MOB1B: variants seen among roughly 807,000 people sequenced by gnomAD.
MOB1B encodes MOB kinase activator 1B.
A neutral mutation model predicts 24.4 loss-of-function variants in MOB1B; 19 were observed. The ratio of observed to expected loss-of-function variants is 0.78; its 90% CI spans 0.54 to 1.14. MOB1B has a LOEUF of 1.14. MOB1B is among the 50% of genes most tolerant of loss of function. The pLI is 0.00. For missense variants in MOB1B, 243 were observed against 259.6 expected (o/e 0.94, Z 0.44); for synonymous variants, 76 against 82.1 (o/e 0.93, Z 0.40).
At chr4:70,906,523 C>G (rs953933459) in intron 1 of MOB1B, among the ~76,000 whole-genome samples, 1 of 151,956 alleles carries the variant, frequency 6.6e-6, no homozygotes, top group Non-Finnish European at 1.5e-5. Flanking sequence ...TGTAGTATGG[C>G]GGAAGGTTGT....
At chr4:70,958,849 C>CTT in intron 1 of MOB1B, 25 bp from the exon 2 acceptor site, 3 of 1,553,978 alleles carry the variant, frequency 1.9e-6, no homozygotes, top group Non-Finnish European at 2.6e-6. Context: ...ATATTAAACC[C>CTT]TTTTTTTTTC....
chr4:70,931,149 G>A (rs1312700656), intron 1 of MOB1B, among the ~76,000 whole-genome samples: 1 of 152,086 alleles, frequency 6.6e-6, no homozygotes, highest in South Asian at 2.1e-4. Context: ...ATAAGCTCAT[G>A]CTTAAAGCAT....
chr4:70,980,894 A>G lies in MOB1B; in HGVS notation c.574-1086A>G, dbSNP rs137928920. ...CCCAAAGTGTCCACACTCGTATGTG[A>G]GACCTCTTGAGGTGCAGGGTGGATG... On this transcript the variant is annotated intron_variant, in intron 5 of 5. Transcript: ENST00000309395. Among the ~76,000 whole-genome samples the G allele has an allele frequency of 1.3e-3, 202 of 152,202 alleles. 2 individuals are homozygous for G. The highest frequency in any genetic ancestry group is 4.4e-3 in the African/African-American group (184 of 41,536).
chr4:70,925,184 A>G (rs1421567336), intron 1 of MOB1B, among the ~76,000 whole-genome samples: 2 of 151,984 alleles, frequency 1.3e-5, no homozygotes, highest in African/African-American at 4.8e-5. Flanking sequence ...GCAGAGACTT[A>G]CAGGTGTGTG....
At chr4:70,926,907 G>A (rs1736680316) in intron 1 of MOB1B, among the ~76,000 whole-genome samples, 1 of 151,666 alleles carries the variant, frequency 6.6e-6, no homozygotes, top group Non-Finnish European at 1.5e-5. Context: ...TGAGGCAGGA[G>A]AATGGCGCAA....
chr4:70,958,899 A>G lies in MOB1B; in HGVS notation c.40A>G (p.Lys14Glu). The change falls in exon 2 of 6, where the codon AAA (lysine) becomes GAA (glutamate). Residue 14 changes from lysine to glutamate, a missense_variant. Physicochemically the swap from Lys to Glu is moderately conservative, Grantham distance 56. Coordinates refer to ENST00000309395, the MANE Select transcript of MOB1B (RefSeq NM_173468.4). The stretch of plus-strand genomic sequence containing the variant: ...TGGTAGTCGCTCTTCTAAAACTTTT[A>G]AACCAAAGAAGAACATTCCAGAGGG... ...LFGSRSSKTF[K>E]PKKNIPEGSH... 2 of 1,611,902 alleles carry G rather than the reference A, an allele frequency of 1.2e-6. No individual in the cohort carries two copies. Among genetic ancestry groups the G allele is most frequent in the Non-Finnish European group, 1.7e-6 (2 of 1,179,502 alleles).
intron 1 of MOB1B, among the ~76,000 whole-genome samples, chr4:70,912,212 A>G (rs1292699485): frequency 6.6e-6 from 1 of 151,700 alleles, no homozygotes; most frequent in East Asian, 1.9e-4. Context: ...TCCATCTTTT[A>G]CAACACATTT....
chr4:70,914,509 A>G (rs1471010755), intron 1 of MOB1B, among the ~76,000 whole-genome samples: 1 of 152,208 alleles, frequency 6.6e-6, no homozygotes, highest in Non-Finnish European at 1.5e-5. Context: ...ACCAAAATCT[A>G]GGTGTAGGTA....
intron 2 of MOB1B, among the ~76,000 whole-genome samples, chr4:70,965,403 ATTAAT>A (rs1738480132): frequency 6.7e-6 from 1 of 149,904 alleles, no homozygotes; most frequent in South Asian, 2.1e-4. Context: ...TAAAAATAAT[ATTAAT>A]TTAAAATATT....
intron 1 of MOB1B, among the ~76,000 whole-genome samples, chr4:70,922,819 G>A (rs1216671140): frequency 6.6e-6 from 1 of 152,122 alleles, no homozygotes; most frequent in Non-Finnish European, 1.5e-5. Flanking sequence ...GACACAACAT[G>A]TAACAATAAG....
chr4:70,977,802 C>A (rs189364395), intron 4 of MOB1B, among the ~76,000 whole-genome samples: 1 of 152,072 alleles, frequency 6.6e-6, no homozygotes, highest in Non-Finnish European at 1.5e-5. Flanking sequence ...GCAATCCTAT[C>A]GCTTCAGCCT....
chr4:70,926,261 GC>G (rs1294818034), intron 1 of MOB1B, among the ~76,000 whole-genome samples: 3 of 150,308 alleles, frequency 2.0e-5, no homozygotes, highest in East Asian at 1.9e-4. Flanking sequence ...TGGGATTACA[GC>G]CATTTTTTTT....
intron 1 of MOB1B, 141 bp downstream of exon 1, chr4:70,902,691 C>A: frequency 2.6e-6 from 2 of 768,650 alleles, no homozygotes; most frequent in Non-Finnish European, 3.8e-6. Context: ...CCAAGCGGGG[C>A]CCCGGGACTG....
At chr4:70,917,361 T>A (rs1314175649) in intron 1 of MOB1B, among the ~76,000 whole-genome samples, 5 of 152,192 alleles carry the variant, frequency 3.3e-5, no homozygotes, top group Admixed American at 2.0e-4. Flanking sequence ...AAGAAAAACA[T>A]TCAAAGATAA....
intron 1 of MOB1B, among the ~76,000 whole-genome samples, chr4:70,943,611 C>G (rs1186193474): frequency 1.3e-5 from 2 of 151,826 alleles, no homozygotes; most frequent in African/African-American, 4.8e-5. Context: ...GAAAAAATAC[C>G]CAAGTGAATA....
chr4:70,944,276 C>T (rs1737479651), intron 1 of MOB1B, among the ~76,000 whole-genome samples: 1 of 152,218 alleles, frequency 6.6e-6, no homozygotes, highest in African/African-American at 2.4e-5. Context: ...CTCAGGTGAT[C>T]CTCGCGCCTT....
At chr4:70,936,012 C>T (rs980334275) in intron 1 of MOB1B, among the ~76,000 whole-genome samples, 13 of 151,844 alleles carry the variant, frequency 8.6e-5, no homozygotes, top group African/African-American at 1.2e-4. Flanking sequence ...CCACTACGCC[C>T]GGCTAATTTT....
intron 1 of MOB1B, among the ~76,000 whole-genome samples, chr4:70,921,277 A>G (rs1736425728): frequency 6.6e-6 from 1 of 152,122 alleles, no homozygotes; most frequent in South Asian, 2.1e-4. Flanking sequence ...TATGCAGTCA[A>G]GAAATCCACT....
intron 4 of MOB1B, chr4:70,976,375 C>A (rs1310923414): frequency 1.0e-6 from 1 of 984,670 alleles, no homozygotes; most frequent in Non-Finnish European, 1.2e-6. Context: ...GAATTTATGA[C>A]CCACAATATG....
Sources: allele counts gnomAD v4.1 joint callset (sites outside exome capture counted in the v4.1 genomes callset), GRCh38; gene constraint gnomAD v4.1.1; transcripts MANE v1.5; gene names NCBI Gene and HGNC (gene_info 2026-07-23, HGNC 2026-07-21).